Variants in MARCHF1 observed in about 807,000 individuals in gnomAD.
The protein encoded by MARCHF1 is membrane associated ring-CH-type finger 1.
In MARCHF1, 40 loss-of-function variants were observed where a neutral mutation model predicts 54.2. That is an observed-to-expected ratio of 0.74 (90% CI 0.57 to 0.96). The LOEUF (loss-of-function observed/expected upper bound fraction) is 0.96, where lower values mean the gene tolerates loss of function less well. MARCHF1 is among the 40% of genes least tolerant of loss of function. MARCHF1 has a pLI of 0.00. For synonymous variants in MARCHF1, 236 were observed against 236.3 expected (o/e 1.00, Z 0.01); for missense variants, 586 against 656.5 (o/e 0.89, Z 1.17).
At chr4:163,726,868 C>A (rs1745669392) in intron 4 of MARCHF1, among the ~76,000 whole-genome samples, 1 of 152,172 alleles carries the variant, frequency 6.6e-6, no homozygotes, top group African/African-American at 2.4e-5. Context: ...TCTTCATATG[C>A]TTATTTGCCA....
chr4:164,215,512 T>G (rs1731904618), intron 1 of MARCHF1, among the ~76,000 whole-genome samples: 1 of 152,138 alleles, frequency 6.6e-6, no homozygotes. Flanking sequence ...ATTCTTGTCT[T>G]CACCTAGGTC....
At chr4:163,683,815 C>T (rs1744182981) in intron 5 of MARCHF1, among the ~76,000 whole-genome samples, 1 of 152,094 alleles carries the variant, frequency 6.6e-6, no homozygotes, top group Non-Finnish European at 1.5e-5. Flanking sequence ...CATGGCTCAG[C>T]AAAGATAATC....
intron 1 of MARCHF1, among the ~76,000 whole-genome samples, chr4:164,172,905 C>A (rs552276306): frequency 2.0e-5 from 3 of 150,524 alleles, no homozygotes; most frequent in Non-Finnish European, 1.5e-5. Context: ...GGCGTGAACC[C>A]GCAAGGCGGA....
intron 1 of MARCHF1, among the ~76,000 whole-genome samples, chr4:164,364,478 G>A (rs1376251262): frequency 1.3e-5 from 2 of 151,978 alleles, no homozygotes; most frequent in Non-Finnish European, 2.9e-5. Context: ...GTTTAACTCT[G>A]CATTTTAATG....
chr4:164,242,668 T>C (rs1344172600), intron 1 of MARCHF1, among the ~76,000 whole-genome samples: 1 of 152,116 alleles, frequency 6.6e-6, no homozygotes, highest in African/African-American at 2.4e-5. Context: ...TTTCAGATGA[T>C]CAAATTACTC....
intron 4 of MARCHF1, among the ~76,000 whole-genome samples, chr4:163,725,864 T>G (rs748725817): frequency 6.6e-6 from 1 of 152,244 alleles, no homozygotes; most frequent in Non-Finnish European, 1.5e-5. Flanking sequence ...AGTTAATGTC[T>G]GTTTTTGTTA....
intron 5 of MARCHF1, among the ~76,000 whole-genome samples, chr4:163,633,863 T>A (rs1451880474): frequency 1.3e-5 from 2 of 152,172 alleles, no homozygotes; most frequent in East Asian, 1.9e-4. Flanking sequence ...CGGGTTACCC[T>A]CAAAGGGAAG....
chr4:164,070,468 A>G (rs75778497), intron 2 of MARCHF1, among the ~76,000 whole-genome samples: 1,617 of 152,256 alleles, frequency 0.011, 21 homozygotes, highest in African/African-American at 0.036. Context: ...AAAACTGGCT[A>G]CTTGGGGATG....
intron 3 of MARCHF1, among the ~76,000 whole-genome samples, chr4:163,899,881 T>C (rs7698453): frequency 7.5e-6 from 1 of 133,360 alleles, no homozygotes; most frequent in Non-Finnish European, 1.7e-5. Context: ...TTTCTTTTTC[T>C]TTTTTTCTTT....
intron 2 of MARCHF1, among the ~76,000 whole-genome samples, chr4:164,050,567 A>T (rs1240636023): frequency 6.6e-6 from 1 of 152,128 alleles, no homozygotes; most frequent in Admixed American, 6.6e-5. Flanking sequence ...CTGCTACTCA[A>T]AACATGCTTC....
intron 3 of MARCHF1, among the ~76,000 whole-genome samples, chr4:163,907,247 T>C (rs1751091005): frequency 6.6e-6 from 1 of 152,120 alleles, no homozygotes; most frequent in South Asian, 2.1e-4. Context: ...TATAGCTTTC[T>C]TAACAAAACA....
chr4:163,815,158 T>C (rs1396140534), intron 4 of MARCHF1, among the ~76,000 whole-genome samples: 1 of 152,326 alleles, frequency 6.6e-6, no homozygotes. Context: ...AGAAAAAGTT[T>C]AGGTATTTCA....
intron 3 of MARCHF1, among the ~76,000 whole-genome samples, chr4:163,877,614 T>C (rs1750321642): frequency 6.6e-6 from 1 of 152,110 alleles, no homozygotes; most frequent in Admixed American, 6.6e-5. Flanking sequence ...CAAATCCCCA[T>C]TCAACATCTC....
At chr4:163,802,323 C>T (rs1183996365) in intron 4 of MARCHF1, among the ~76,000 whole-genome samples, 3 of 152,030 alleles carry the variant, frequency 2.0e-5, no homozygotes, top group African/African-American at 7.2e-5. Context: ...CTTTAAATTG[C>T]TAATGTGGAG....
chr4:164,047,036 A>G (rs1412868450), intron 2 of MARCHF1, among the ~76,000 whole-genome samples: 5 of 152,230 alleles, frequency 3.3e-5, no homozygotes, highest in African/African-American at 4.8e-5. Context: ...AGAAAATGTA[A>G]ACTTTTATAA....
intron 1 of MARCHF1, among the ~76,000 whole-genome samples, chr4:164,295,643 A>T (rs957045567): frequency 1.3e-5 from 2 of 152,208 alleles, no homozygotes; most frequent in Non-Finnish European, 2.9e-5. Flanking sequence ...TAGGCTTCAA[A>T]TTTTTAAGCA....
At chr4:164,357,640 C>T (rs1730600651) in intron 1 of MARCHF1, among the ~76,000 whole-genome samples, 1 of 152,070 alleles carries the variant, frequency 6.6e-6, no homozygotes, top group Non-Finnish European at 1.5e-5. Flanking sequence ...ATTAAATACA[C>T]TTAAGAGAAT....
chr4:163,890,008 T>G (rs1300170739), intron 3 of MARCHF1, among the ~76,000 whole-genome samples: 1 of 143,226 alleles, frequency 7.0e-6, no homozygotes, highest in Non-Finnish European at 1.5e-5. Context: ...CACTGCAAGC[T>G]CCGCCGCCCG....
At chr4:163,650,621 A>T (rs754864279) in intron 5 of MARCHF1, among the ~76,000 whole-genome samples, 8 of 152,010 alleles carry the variant, frequency 5.3e-5, no homozygotes, top group Non-Finnish European at 1.2e-4. Context: ...ATTAAATTCC[A>T]CAGAAAAATA....
Sources: allele counts gnomAD v4.1 joint callset (sites outside exome capture counted in the v4.1 genomes callset), GRCh38; gene constraint gnomAD v4.1.1; transcripts MANE v1.5; gene names NCBI Gene and HGNC (gene_info 2026-07-23, HGNC 2026-07-21).